Variants in THBS4 observed in about 807,000 individuals in gnomAD.
THBS4 encodes the protein thrombospondin 4, also known as thrombospondin-4.
In THBS4, 90 loss-of-function variants were observed where a neutral mutation model predicts 115.7. The observed-to-expected ratio is 0.78, with a 90% CI of 0.66 to 0.93. THBS4 has a LOEUF of 0.93. Ranked by LOEUF, THBS4 falls within the 40% of genes least tolerant of loss-of-function variation. The probability of loss-of-function intolerance (pLI) is 0.00; values close to 1 mark genes in which losing one functional copy is unlikely to be tolerated. For synonymous variants in THBS4, 460 were observed against 479.3 expected, an observed-to-expected ratio of 0.96 and a Z score of 0.53; for missense variants, 1,087 against 1,232.7, an observed-to-expected ratio of 0.88 and a Z score of 1.77.
chr5:79,994,506 A>G (rs1382981092), intron 1 of THBS4, among the ~76,000 whole-genome samples: 3 of 152,234 alleles, frequency 2.0e-5, no homozygotes, highest in Non-Finnish European at 2.9e-5. Context: ...CAGCTTCTGT[A>G]TGCCTAGCAC....
chr5:80,061,728 T>A lies in THBS4; in HGVS notation c.1021T>A (p.Cys341Ser). 6.2e-7 allele frequency: 1 copy of A among 1,614,214 alleles called. No individual in the cohort carries two copies. Among genetic ancestry groups the A allele is most frequent in the Non-Finnish European group, 8.5e-7 (1 of 1,180,034 alleles). Residue 341 changes from cysteine (C) to serine (S), a missense_variant, in exon 8 of 22, where the codon TGC becomes AGC. By Grantham distance (112) the Cys-to-Ser change is moderately radical. This residue lies in a region of THBS4 where 979 missense variants were observed against 1,103.7 expected (regional missense o/e 0.89). Coordinates refer to ENST00000350881, the MANE Select transcript of THBS4 (RefSeq NM_003248.6). ...CCATCCCTGCTACCCGGGCGTGCACTGCATAAATTTGTCTCCTGGCTTCAG... is the reference window on the plus strand; with the variant it reads ...CCATCCCTGCTACCCGGGCGTGCACAGCATAAATTTGTCTCCTGGCTTCAG... ...KYHPCYPGVH[C>S]INLSPGFRCD... is the part of the protein sequence containing the mutation.
chr5:80,081,829 G>T (rs115138010), intron 20 of THBS4, among the ~76,000 whole-genome samples: 1 of 152,084 alleles, frequency 6.6e-6, no homozygotes. Context: ...GATTGTTCTC[G>T]CCAGGGCATT....
chr5:80,007,796 T>G (rs1832048053), intron 2 of THBS4, among the ~76,000 whole-genome samples: 1 of 152,218 alleles, frequency 6.6e-6, no homozygotes, highest in Non-Finnish European at 1.5e-5. Flanking sequence ...CTCTGAAATA[T>G]CATTGTTTGG....
At chr5:80,041,685 T>C (rs1174546815) in intron 2 of THBS4, among the ~76,000 whole-genome samples, 2 of 152,024 alleles carry the variant, frequency 1.3e-5, no homozygotes, top group African/African-American at 4.8e-5. Context: ...CCAAAGAAAA[T>C]GGTCACTATT....
At chr5:80,056,135 C>T in intron 3 of THBS4, 103 bp downstream of exon 3, 1 of 1,353,988 alleles carries the variant, frequency 7.4e-7, no homozygotes, top group South Asian at 1.6e-5. Flanking sequence ...GTCAGTGGGT[C>T]TAATGCCGCT....
At chr5:80,016,446 G>T (rs1561294573) in intron 2 of THBS4, among the ~76,000 whole-genome samples, 1 of 151,632 alleles carries the variant, frequency 6.6e-6, no homozygotes, top group Non-Finnish European at 1.5e-5. Context: ...TGATTTTTTT[G>T]AGTGGGATTG....
upstream of THBS4, among the ~76,000 whole-genome samples, chr5:80,032,100 A>ACATG (rs1439684710): frequency 1.3e-5 from 2 of 152,244 alleles, no homozygotes; most frequent in African/African-American, 4.8e-5. Context: ...CAATGTAAGT[A>ACATG]CATGAATAGA....
At position 80,000,222 on chromosome 5, in the gene THBS4, T is replaced by C. The variant is rs986480185; in HGVS notation, n.177+1795T>C. Among the ~76,000 whole-genome samples the C allele has an allele frequency of 6.6e-5, 10 of 152,228 alleles. No individual in the cohort carries two copies. In the South Asian group the frequency reaches 2.1e-3, roughly 32 times the overall value. ...TTACTTCAAATGCAGGAACTAACTC[T>C]TATATCCCCCACAGCATTTAGTTGG... On this transcript the variant is annotated intron_variant and non_coding_transcript_variant, in intron 2 of 3. Transcript: ENST00000510218.
Position 80,035,348 on chromosome 5 carries a change from A to C in THBS4, c.-190A>C. 5.6e-6 allele frequency: 1 copy of C among 179,604 alleles called. No homozygotes were observed. The highest frequency in any genetic ancestry group is 1.1e-5 in the Non-Finnish European group (1 of 89,796). 11.1% of individuals were successfully genotyped at this position (179,604 alleles called of 1,614,324 possible). A position where few individuals can be genotyped will look rare whatever the true frequency, so the allele number is the denominator to read the frequency against. On this transcript the variant is annotated 5_prime_UTR_variant, in exon 1 of 22. Transcript: ENST00000350881. This position sits in a 1 kb window ranked among gnomAD's most constrained non-coding sequence, Gnocchi z 4.6. ...GCGCCCGGCCGCTGCCGCGGAGCCC[A>C]GCAGCCAGCTCCCCAGCACCGCACG...
chr5:80,082,152 A>G, intron 20 of THBS4: 1 of 430,194 alleles, frequency 2.3e-6, no homozygotes, highest in Non-Finnish European at 4.1e-6. Flanking sequence ...TGTGAGAGAC[A>G]GAAGTTGGGA....
At chr5:80,064,859 C>T (rs1033810624) in intron 8 of THBS4, among the ~76,000 whole-genome samples, 3 of 151,428 alleles carry the variant, frequency 2.0e-5, no homozygotes, top group Admixed American at 6.6e-5. Context: ...TTAGACACAG[C>T]TTAGCAGGGA....
At chr5:80,002,850 G>A (rs1489345240) in intron 2 of THBS4, among the ~76,000 whole-genome samples, 1 of 150,394 alleles carries the variant, frequency 6.6e-6, no homozygotes, top group Non-Finnish European at 1.5e-5. Flanking sequence ...ATGGTGCTGG[G>A]AAACTTAATT....
intron 8 of THBS4, among the ~76,000 whole-genome samples, chr5:80,064,478 T>C (rs1833741588): frequency 6.6e-6 from 1 of 152,150 alleles, no homozygotes; most frequent in South Asian, 2.1e-4. Flanking sequence ...GCAAAGTAAA[T>C]ATAAAAAGGT....
chr5:80,070,774 T>C (rs1425087711), intron 12 of THBS4, 24 bp downstream of exon 12: 1 of 1,608,568 alleles, frequency 6.2e-7, no homozygotes, highest in East Asian at 2.2e-5. Context: ...TGGGAGGGCC[T>C]GTGAATTGCC....
chr5:80,082,962 C>CG (rs1743596916), intron 21 of THBS4, 118 bp from the exon 22 acceptor site: 2 of 587,436 alleles, frequency 3.4e-6, no homozygotes, highest in Non-Finnish European at 5.0e-6. Flanking sequence ...CGAGGGCCTG[C>CG]GGGGCGTCCT....
chr5:80,068,540 C>A, intron 10 of THBS4: 1 of 181,606 alleles, frequency 5.5e-6, no homozygotes, highest in Non-Finnish European at 1.2e-5. Flanking sequence ...CTGTCCTCAT[C>A]CTTACAACTT....
Position 80,068,119 on chromosome 5 carries a change from A to G in THBS4, c.1341A>G (p.Thr447=). ...TTGAAGAGAGGCAGGGGGATGTGAC[A>G]TGTGTGGTAAGTTGTTTTTTGACTT... The part of the protein sequence containing the change: ...QCIEERQGDV[T]CVCGVGWAGD... Residue 447 remains threonine (T), a synonymous_variant, in exon 10 of 22, where the codon ACA becomes ACG. Coordinates refer to ENST00000350881, the MANE Select transcript of THBS4 (RefSeq NM_003248.6). The G allele has an allele frequency of 6.2e-7, 1 of 1,613,828 alleles. No individual in the cohort carries two copies. Among genetic ancestry groups the G allele is most frequent in the Non-Finnish European group, 8.5e-7 (1 of 1,179,926 alleles).
intron 2 of THBS4, among the ~76,000 whole-genome samples, chr5:80,011,988 A>C (rs1218221386): frequency 6.6e-6 from 1 of 152,148 alleles, no homozygotes; most frequent in Non-Finnish European, 1.5e-5. Flanking sequence ...TTTTCAACAT[A>C]ATAATGTTCT....
In THBS4 at chr5:80,072,371, G is replaced by A; in HGVS notation, c.1814G>A (p.Cys605Tyr). The change falls in exon 14 of 22, where the codon TGT becomes TAT. Residue 605 changes from cysteine (C) to tyrosine (Y), a missense_variant. By Grantham distance (194) the Cys-to-Tyr change is radical. Transcript: ENST00000350881. ...GGTGTGGGGGATGCCTGTGACAGTT[G>A]TCCTGATGTCAGCAACCCTAACCAG... is the stretch of plus-strand genomic sequence containing the variant. Reference protein sequence around the residue: ...GDGVGDACDSCPDVSNPNQSD... With the variant: ...GDGVGDACDSYPDVSNPNQSD... The A allele has an allele frequency of 6.2e-7, 1 of 1,614,182 alleles. No homozygotes were observed. Among genetic ancestry groups the A allele is most frequent in the Non-Finnish European group, 8.5e-7 (1 of 1,180,020 alleles).
Sources: gnomAD v4.1 joint callset for allele counts (sites outside exome capture counted in the v4.1 genomes callset) on GRCh38, gnomAD v4.1.1 for gene constraint, gnomAD v4.1.1 regional missense constraint, Gnocchi (gnomAD v3.1) non-coding constraint, MANE v1.5 for transcripts, NCBI Gene and HGNC (gene_info 2026-07-23, HGNC 2026-07-21) for gene names.